ARID5B: variants seen among roughly 807,000 people sequenced by gnomAD.
ARID5B encodes AT-rich interaction domain 5B.
Under a neutral mutation model 97.2 loss-of-function variants are expected in ARID5B, and 13 were observed. That is an observed-to-expected ratio of 0.13 (90% confidence interval 0.09 to 0.21). ARID5B has a LOEUF of 0.21. Ranked by LOEUF, ARID5B falls within the 10% of genes least tolerant of loss-of-function variation. ARID5B has a pLI of 1.00. For missense variants in ARID5B, 1,210 were observed against 1,465.3 expected (o/e 0.83, Z 2.84); for synonymous variants, 556 against 570.3 (o/e 0.97, Z 0.36).
intron 3 of ARID5B, among the ~76,000 whole-genome samples, chr10:61,950,624 G>A (rs1838310623): frequency 6.6e-6 from 1 of 152,142 alleles, no homozygotes; most frequent in Non-Finnish European, 1.5e-5. Context: ...GAGCTAAGAT[G>A]ATACCACTAC....
At chr10:62,006,662 A>G (rs865893060) in intron 4 of ARID5B, among the ~76,000 whole-genome samples, 4 of 152,224 alleles carry the variant, frequency 2.6e-5, no homozygotes, top group Non-Finnish European at 5.9e-5. Context: ...CTAAGAGAGT[A>G]AGACAAAAGT....
intron 4 of ARID5B, among the ~76,000 whole-genome samples, chr10:62,041,245 A>C (rs1839633837): frequency 6.6e-6 from 1 of 152,298 alleles, no homozygotes; most frequent in East Asian, 1.9e-4. Flanking sequence ...AAGAGTTTTT[A>C]AAGTCATTTT....
chr10:62,081,155 A>G (rs1371494473), intron 8 of ARID5B, among the ~76,000 whole-genome samples: 2 of 152,158 alleles, frequency 1.3e-5, no homozygotes, highest in Non-Finnish European at 2.9e-5. Context: ...CTCTGCCCCT[A>G]GAAAATATTC....
chr10:61,965,299 A>G (rs988932656), intron 3 of ARID5B, among the ~76,000 whole-genome samples: 4 of 152,190 alleles, frequency 2.6e-5, no homozygotes, highest in Non-Finnish European at 4.4e-5. Context: ...CTCTTTAAAG[A>G]TAATAGGAAA....
intron 5 of ARID5B, among the ~76,000 whole-genome samples, chr10:62,054,400 A>G (rs528776951): frequency 5.3e-5 from 8 of 152,338 alleles, no homozygotes; most frequent in Non-Finnish European, 1.2e-4. Context: ...ACTGAAAAAA[A>G]AAAATATCAA....
chr10:61,932,752 T>C (rs1392168651), intron 2 of ARID5B, among the ~76,000 whole-genome samples: 13 of 152,120 alleles, frequency 8.5e-5, no homozygotes, highest in Admixed American at 8.5e-4. Context: ...AAAATTGGAG[T>C]CAACCCTCTC....
chr10:61,934,425 C>A (rs1844263110), intron 2 of ARID5B, among the ~76,000 whole-genome samples: 1 of 152,234 alleles, frequency 6.6e-6, no homozygotes, highest in Non-Finnish European at 1.5e-5. Flanking sequence ...CTTTCAGCCT[C>A]TCTTGGGTTT....
At chr10:61,911,760 AGAAGGGTGCCTTTGTCTT>A (rs1843808775) in intron 2 of ARID5B, among the ~76,000 whole-genome samples, 1 of 152,216 alleles carries the variant, frequency 6.6e-6, no homozygotes, top group African/African-American at 2.4e-5. Flanking sequence ...GGCAGCGGGC[AGAAGGGTGCCTTTGTCTT>A]GCCGTCATTA....
chr10:61,977,871 G>C (rs187247692), intron 3 of ARID5B, among the ~76,000 whole-genome samples: 5 of 152,186 alleles, frequency 3.3e-5, no homozygotes, highest in Non-Finnish European at 5.9e-5. Context: ...TAATTAGATC[G>C]CATTTGTCAA....
chr10:61,984,993 A>G (rs759085776), intron 3 of ARID5B, among the ~76,000 whole-genome samples: 35 of 151,980 alleles, frequency 2.3e-4, no homozygotes, highest in Admixed American at 1.8e-3. Context: ...TGGGGCTCAT[A>G]ATAACTTCCT....
intron 5 of ARID5B, among the ~76,000 whole-genome samples, chr10:62,051,399 G>C (rs1451419440): frequency 2.6e-5 from 4 of 152,176 alleles, no homozygotes; most frequent in African/African-American, 9.7e-5. Flanking sequence ...ATGTGTTTTG[G>C]AGATTAACAG....
rs537882327 is a variant in ARID5B at position 62,047,182 on chromosome 10, G to C, written c.734-3706G>C. Among the ~76,000 whole-genome samples the C allele has an allele frequency of 2.2e-4, 34 of 152,280 alleles. No individual in the cohort carries two copies. The South Asian group carries it at 7.1e-3, about 32-fold the overall frequency. On this transcript the variant is annotated intron_variant, in intron 4 of 9. Transcript: ENST00000279873. ...TCTCAGTTTCCTGGTCTGTAAGATG[G>C]GGATAAGGATCATGCCTTCCTCTTT...
At chr10:62,015,521 A>AATAT (rs1839272099) in intron 4 of ARID5B, among the ~76,000 whole-genome samples, 1 of 152,236 alleles carries the variant, frequency 6.6e-6, no homozygotes, top group Admixed American at 6.5e-5. Flanking sequence ...ACTTTTGTCA[A>AATAT]ATATATACAG....
At position 62,092,496 on chromosome 10, in the gene ARID5B, G is replaced by A. The variant is rs550041770; in HGVS notation, c.3033G>A (p.Pro1011=). 1.9e-6 allele frequency: 3 copies of A among 1,614,172 alleles called. No homozygotes were observed. The highest frequency in any genetic ancestry group is 2.2e-5 in the East Asian group (1 of 44,886). ...CGCAGAACATTGGGGCGGCGCGGCC[G>A]ATCAAGCGCAGCCTGGAGGATTTGG... The part of the protein sequence containing the change: ...MSPQNIGAAR[P]IKRSLEDLDL... Residue 1011 remains proline, a synonymous_variant, in exon 10 of 10, where the codon CCG becomes CCA. Transcript: ENST00000279873.
chr10:62,034,599 GA>G (rs1254315473), intron 4 of ARID5B, among the ~76,000 whole-genome samples: 1 of 152,240 alleles, frequency 6.6e-6, no homozygotes, highest in East Asian at 1.9e-4. Context: ...TGTAAAGTGT[GA>G]CATTTTAATT....
At chr10:61,975,133 C>A (rs983241536) in intron 3 of ARID5B, among the ~76,000 whole-genome samples, 5 of 152,012 alleles carry the variant, frequency 3.3e-5, no homozygotes, top group Non-Finnish European at 5.9e-5. Context: ...ATTCAAAATG[C>A]AAAGCAGCTG....
At chr10:61,992,619 C>A (rs1475333429) in intron 3 of ARID5B, among the ~76,000 whole-genome samples, 7 of 151,960 alleles carry the variant, frequency 4.6e-5, no homozygotes, top group African/African-American at 1.7e-4. Flanking sequence ...TTTTTAAGTT[C>A]TCCAGTGATG....
In ARID5B at chr10:61,979,314, C is replaced by A. The variant is rs182386568; in HGVS notation, c.503-20777C>A. ...AATACTTGTGGCAAAGAAGAAAAGT[C>A]TAATATTAGAGCAGGAACAGAGACT... On this transcript the variant is annotated intron_variant, in intron 3 of 9. Transcript: ENST00000279873. 2.1e-3 allele frequency among the ~76,000 whole-genome samples: 326 copies of A among 152,280 alleles called. 2 individuals are homozygous for A. Among genetic ancestry groups the A allele is most frequent in the Non-Finnish European group, 3.4e-3 (233 of 68,020 alleles).
chr10:62,012,219 A>G (rs1293854948), intron 4 of ARID5B, among the ~76,000 whole-genome samples: 2 of 152,138 alleles, frequency 1.3e-5, no homozygotes, highest in Non-Finnish European at 2.9e-5. Context: ...GCTCGCGTTA[A>G]CCATCACTTC....
Sources: gnomAD v4.1 joint callset for allele counts (sites outside exome capture counted in the v4.1 genomes callset) on GRCh38, gnomAD v4.1.1 for gene constraint, MANE v1.5 for transcripts, NCBI Gene and HGNC (gene_info 2026-07-23, HGNC 2026-07-21) for gene names.